The following HIPK4 variants were observed in gnomAD, a reference collection of about 807,000 sequenced individuals.
The protein encoded by HIPK4 is homeodomain interacting protein kinase 4, also known as homeodomain-interacting protein kinase 4.
A neutral mutation model predicts 44.8 loss-of-function variants in HIPK4; 26 were observed. The observed-to-expected ratio is 0.58, with a 90% CI of 0.43 to 0.80. HIPK4 has a LOEUF of 0.80. Ranked by LOEUF, HIPK4 falls within the 30% of genes least tolerant of loss-of-function variation. HIPK4 has a pLI of 0.00. For synonymous variants in HIPK4, 340 were observed against 355.5 expected (o/e 0.96, Z 0.49); for missense variants, 729 against 862.6 (o/e 0.85, Z 1.94).
At chr19:40,383,362 G>T (rs959479690) in intron 2 of HIPK4, among the ~76,000 whole-genome samples, 1 of 152,062 alleles carries the variant, frequency 6.6e-6, no homozygotes, top group African/African-American at 2.4e-5. Context: ...GATTACAGGC[G>T]TAAGCCACCA....
chr19:40,381,784 C>CTTTTTTTT (rs55780075), intron 2 of HIPK4, among the ~76,000 whole-genome samples: 11 of 72,330 alleles, frequency 1.5e-4, no homozygotes, highest in Admixed American at 3.9e-4. Flanking sequence ...CACTCAGATC[C>CTTTTTTTT]TTTTTTTTTT....
chr19:40,384,192 C>A, intron 1 of HIPK4, 53 bp from the exon 2 acceptor site: 3 of 1,409,408 alleles, frequency 2.1e-6, no homozygotes, highest in Non-Finnish European at 2.9e-6. Flanking sequence ...CAGGGACAGC[C>A]GAGCTGGGCC....
rs139337380 is a variant in HIPK4 at position 40,381,069 on chromosome 19, G to A, written c.922C>T (p.Arg308Trp). ...TCGGCGTGCTCCGCCAGCGCCTCCC[G>A]GTCAGGGAAGGTTAGCCGACTGGCC... The part of the protein sequence containing the change: ...SVASRLTFPD[R>W]EALAEHADLK... The change falls in exon 3 of 4, where the codon CGG becomes TGG. Residue 308 changes from arginine (R) to tryptophan (W), a missense_variant. Transcript: ENST00000291823. The A allele has an allele frequency of 1.6e-4, 256 of 1,612,880 alleles. 2 individuals carry two copies. Among genetic ancestry groups the A allele is most frequent in the South Asian group, 1.3e-3 (118 of 91,078 alleles).
chr19:40,383,028 C>T (rs1391225082), intron 2 of HIPK4, among the ~76,000 whole-genome samples: 1 of 146,534 alleles, frequency 6.8e-6, no homozygotes, highest in Non-Finnish European at 1.5e-5. Context: ...GCCTGAGCAA[C>T]AGATCAAGAC....
In HIPK4 at chr19:40,380,790, C is replaced by G. The variant is rs2145715602; in HGVS notation, c.1201G>C (p.Ala401Pro). ...CCGGCCACACTGCCCATACCCGCAG[C>G]CTCCTTCTCCTCAGCCAGACAGTAG... The part of the protein sequence containing the change: ...PYYCLAEEKE[A>P]AGMGSVAGSS... The change falls in exon 3 of 4, where the codon GCT (alanine) becomes CCT (proline). Residue 401 changes from alanine to proline, a missense_variant. Coordinates refer to ENST00000291823, the MANE Select transcript of HIPK4 (RefSeq NM_144685.5). This position sits in a 1 kb window ranked among gnomAD's most constrained non-coding sequence, Gnocchi z 4.2. The G allele has an allele frequency of 6.2e-7, 1 of 1,614,048 alleles. No homozygotes were observed. The highest frequency in any genetic ancestry group is 2.2e-5 in the East Asian group (1 of 44,876).
chr19:40,382,708 C>T (rs1410104237), intron 2 of HIPK4, among the ~76,000 whole-genome samples: 1 of 152,068 alleles, frequency 6.6e-6, no homozygotes, highest in Non-Finnish European at 1.5e-5. Flanking sequence ...AAGTTCCAGT[C>T]CTCATTGAGG....
At chr19:40,384,958 T>C (rs2079356279) in intron 1 of HIPK4, among the ~76,000 whole-genome samples, 1 of 152,258 alleles carries the variant, frequency 6.6e-6, no homozygotes, top group Non-Finnish European at 1.5e-5. Context: ...CCAGCCTTTG[T>C]GTCTGGTTCG....
rs2079376759 is a variant in HIPK4, at chr19:40,389,321, C to T, written c.465+117G>A. On this transcript the variant is annotated intron_variant, in intron 1 of 3. Transcript: ENST00000291823. This position sits in a 1 kb window ranked among gnomAD's most constrained non-coding sequence, Gnocchi z 4.6. ...CCTGGGTAACAGAATGAAACTCCGT[C>T]TCAAAAATAATAATAATAATAATTT... The T allele has an allele frequency of 4.3e-6, 2 of 465,030 alleles. No homozygotes were observed. The highest frequency in any genetic ancestry group is 2.0e-5 in the African/African-American group (1 of 49,200). 28.8% of individuals were successfully genotyped at this position (465,030 alleles called of 1,614,324 possible).
At position 40,381,147 on chromosome 19, in the gene HIPK4, T is replaced by C; in HGVS notation, c.844A>G (p.Lys282Glu). 6.3e-7 allele frequency: 1 copy of C among 1,599,924 alleles called. No homozygotes were observed. Among genetic ancestry groups the C allele is most frequent in the Admixed American group, 1.7e-5 (1 of 59,956 alleles). Residue 282 changes from lysine (K) to glutamate (E), a missense_variant, in exon 3 of 4, where the codon AAG becomes GAG. Physicochemically the swap from Lys to Glu is moderately conservative, Grantham distance 56. Coordinates refer to ENST00000291823, the MANE Select transcript of HIPK4 (RefSeq NM_144685.5). ...TGGTCCAACGACTTGAGCATATACT[T>C]GCGGCGCTCCAATGGGCGCACCTGG... is the stretch of plus-strand genomic sequence containing the variant. The part of the protein sequence containing the change: ...ETKVRPLERR[K>E]YMLKSLDQIE...
intron 2 of HIPK4, among the ~76,000 whole-genome samples, chr19:40,383,548 T>G (rs1297151610): frequency 6.6e-6 from 1 of 152,044 alleles, no homozygotes; most frequent in African/African-American, 2.4e-5. Flanking sequence ...CTCCCATGTA[T>G]CTGGGACAAT....
chr19:40,390,152 C>T lies in HIPK4; in HGVS notation c.-250G>A. ...TGGCTTGGGATGAGGGGCCCCAGGC[C>T]CCACCGAATGGGTTCCAGCGCTGTT... is the stretch of plus-strand genomic sequence containing the variant. On this transcript the variant is annotated 5_prime_UTR_variant, in exon 1 of 4. Coordinates refer to ENST00000291823, the MANE Select transcript of HIPK4 (RefSeq NM_144685.5). The T allele has an allele frequency of 1.9e-6, 1 of 540,296 alleles. No individual in the cohort carries two copies. The highest frequency in any genetic ancestry group is 3.3e-6 in the Non-Finnish European group (1 of 299,550). 33.5% of individuals were successfully genotyped at this position (540,296 alleles called of 1,614,324 possible).
chr19:40,386,020 A>T (rs113412207), intron 1 of HIPK4, among the ~76,000 whole-genome samples: 8,234 of 150,738 alleles, frequency 0.055, 757 homozygotes, highest in African/African-American at 0.19. Flanking sequence ...ATTGCTCTTA[A>T]TGCCATTTCA....
In HIPK4 at chr19:40,381,150, G is replaced by A. The variant is rs770087997; in HGVS notation, c.841C>T (p.Arg281Cys). ...AETKVRPLER[R>C]KYMLKSLDQI... is the part of the protein sequence containing the mutation. ...TCCAACGACTTGAGCATATACTTGCGGCGCTCCAATGGGCGCACCTGGCGG... is the reference window on the plus strand; with the variant it reads ...TCCAACGACTTGAGCATATACTTGCAGCGCTCCAATGGGCGCACCTGGCGG... The change falls in exon 3 of 4, where the codon CGC (arginine) becomes TGC (cysteine). Residue 281 changes from arginine (R) to cysteine (C), a missense_variant. Arg to Cys is a radical substitution (Grantham distance 180). Coordinates refer to ENST00000291823, the MANE Select transcript of HIPK4 (RefSeq NM_144685.5). 107 of 1,599,212 alleles carry A rather than the reference G, an allele frequency of 6.7e-5. 1 individual carries two copies. The Admixed American group carries it at 7.2e-4, about 11-fold the overall frequency.
chr19:40,389,925 G>A lies in HIPK4; in HGVS notation c.-23C>T, dbSNP rs754986667. 17 of 1,570,508 alleles carry A rather than the reference G, an allele frequency of 1.1e-5. No homozygotes were observed. In the East Asian group the frequency reaches 1.3e-4, roughly 12 times the overall value. On this transcript the variant is annotated 5_prime_UTR_variant, in exon 1 of 4. Transcript: ENST00000291823. This position sits in a 1 kb window ranked among gnomAD's most constrained non-coding sequence, Gnocchi z 4.6. ...CATGGTGCCGCTGCTGCCAGACACC[G>A]CCCTGCCCAGGCCCCTGTACCACTG...
At chr19:40,388,030 T>C (rs577961730) in intron 1 of HIPK4, among the ~76,000 whole-genome samples, 249 of 138,414 alleles carry the variant, frequency 1.8e-3, no homozygotes, top group African/African-American at 6.4e-3. Flanking sequence ...TTTTTTTTTT[T>C]CTGAGACAGA....
rs2079328413 is a variant in HIPK4, at chr19:40,380,497, G to C, written c.1494C>G (p.Asp498Glu). The part of the protein sequence containing the change: ...ARKPPAGSKS[D>E]SNFSNLIRLS... Reference sequence around the variant, plus strand: ...GCCGAATGAGGTTGCTGAAGTTGGAGTCGGACTTGGAACCCGCAGGTGGCT... The same window carrying C: ...GCCGAATGAGGTTGCTGAAGTTGGACTCGGACTTGGAACCCGCAGGTGGCT... Residue 498 changes from aspartate to glutamate, a missense_variant, in exon 3 of 4, where the codon GAC becomes GAG. Physicochemically the swap from Asp to Glu is conservative, Grantham distance 45. Transcript: ENST00000291823. The surrounding 1 kb of genome is among the most constrained non-coding windows in gnomAD (Gnocchi z 4.2). 1 of 1,612,886 alleles carries C rather than the reference G, an allele frequency of 6.2e-7. No individual in the cohort carries two copies. The highest frequency in any genetic ancestry group is 8.5e-7 in the Non-Finnish European group (1 of 1,179,982).
intron 1 of HIPK4, among the ~76,000 whole-genome samples, chr19:40,384,636 G>A (rs934025534): frequency 7.5e-5 from 9 of 119,270 alleles, no homozygotes; most frequent in African/African-American, 2.3e-4. Flanking sequence ...TTTTGAGACC[G>A]AGTCTCACTC....
intron 1 of HIPK4, among the ~76,000 whole-genome samples, chr19:40,386,398 G>A (rs1348284637): frequency 6.6e-6 from 1 of 152,000 alleles, no homozygotes; most frequent in African/African-American, 2.4e-5. Flanking sequence ...CTATCACCCA[G>A]GCTGGAGTAC....
Position 40,380,230 on chromosome 19 carries a change from A to T in HIPK4, c.1668+93T>A. On this transcript the variant is annotated intron_variant, in intron 3 of 3. Transcript: ENST00000291823. This position sits in a 1 kb window ranked among gnomAD's most constrained non-coding sequence, Gnocchi z 4.2. ...CCTGAACATGGGTGAGTGTGTGTTG[A>T]GCCTCCTCACACACTAATCATATCC... 1 of 1,464,410 alleles carries T rather than the reference A, an allele frequency of 6.8e-7. No homozygotes were observed. The highest frequency in any genetic ancestry group is 1.3e-5 in the South Asian group (1 of 75,886). The allele number at this position is 1,464,410 out of a possible 1,614,324, so 90.7% of individuals were successfully genotyped here. A position where few individuals can be genotyped will look rare whatever the true frequency, so the allele number is the denominator to read the frequency against.
Sources: allele counts gnomAD v4.1 joint callset (sites outside exome capture counted in the v4.1 genomes callset), GRCh38; gene constraint gnomAD v4.1.1; non-coding constraint Gnocchi (gnomAD v3.1); transcripts MANE v1.5; gene names NCBI Gene and HGNC (gene_info 2026-07-23, HGNC 2026-07-21).